Variants in STAP1 observed in about 807,000 individuals in gnomAD.
STAP1 encodes the protein signal-transducing adaptor protein 1.
STAP1 carries 30 observed loss-of-function variants against 37.8 expected under a neutral mutation model. That is an observed-to-expected ratio of 0.79 (90% CI 0.59 to 1.08). The LOEUF is 1.08. Ranked by LOEUF, STAP1 falls within the 50% of genes least tolerant of loss-of-function variation. The pLI, the probability that STAP1 is intolerant of heterozygous loss-of-function variation, is 0.00. For missense variants in STAP1, 357 were observed against 349.4 expected (o/e 1.02, Z -0.17); for synonymous variants, 130 against 116.0 (o/e 1.12, Z -0.78).
At chr4:67,583,445 T>A (rs994257379) in intron 5 of STAP1, 129 bp from the exon 6 acceptor site, 8 of 932,930 alleles carry the variant, frequency 8.6e-6, no homozygotes, top group Non-Finnish European at 1.3e-5. Flanking sequence ...ATAATTGGAA[T>A]AATCAAACCG....
rs1044971958 is a variant in STAP1, at chr4:67,606,669, A to G, written c.*312A>G. The G allele has an allele frequency of 1.5e-5, 3 of 201,358 alleles. No individual in the cohort carries two copies. The highest frequency in any genetic ancestry group is 5.9e-5 in the Admixed American group (1 of 16,866). The allele number at this position is 201,358 out of a possible 1,614,324, so 12.5% of individuals were successfully genotyped here. Reference sequence around the variant, plus strand: ...TTTTTTCTTTAGGCCTCAATGAAATACATTTCCCCTATATAATTCCAACAG... The same window carrying G: ...TTTTTTCTTTAGGCCTCAATGAAATGCATTTCCCCTATATAATTCCAACAG... On this transcript the variant is annotated 3_prime_UTR_variant, in exon 9 of 9. Transcript: ENST00000265404.
At chr4:67,566,566 G>T (rs997808797) in intron 1 of STAP1, among the ~76,000 whole-genome samples, 1 of 152,146 alleles carries the variant, frequency 6.6e-6, no homozygotes, top group Non-Finnish European at 1.5e-5. Flanking sequence ...AGCTGAGAGA[G>T]GACAGGAAGG....
intron 6 of STAP1, among the ~76,000 whole-genome samples, chr4:67,586,824 TA>T (rs942115822): frequency 3.5e-4 from 53 of 152,326 alleles, no homozygotes; most frequent in African/African-American, 1.2e-3. Flanking sequence ...CAACATTTTA[TA>T]AAACTAATCA....
At chr4:67,571,251 A>G (rs1418396387) in intron 2 of STAP1, 96 bp downstream of exon 2, 4 of 802,462 alleles carry the variant, frequency 5.0e-6, no homozygotes, top group African/African-American at 1.8e-5. Flanking sequence ...CCAAGAATAA[A>G]GATGCTCTGG....
intron 6 of STAP1, among the ~76,000 whole-genome samples, chr4:67,588,849 A>C (rs1728058708): frequency 6.6e-6 from 1 of 152,236 alleles, no homozygotes; most frequent in South Asian, 2.1e-4. Flanking sequence ...CATGTTTTAC[A>C]AATGAAGAGG....
At chr4:67,584,647 G>A (rs944920396) in intron 6 of STAP1, among the ~76,000 whole-genome samples, 1 of 152,118 alleles carries the variant, frequency 6.6e-6, no homozygotes, top group African/African-American at 2.4e-5. Flanking sequence ...CCAATATCTG[G>A]GGCAAAAGTG....
At chr4:67,564,021 C>T (rs1727410360) in intron 1 of STAP1, among the ~76,000 whole-genome samples, 1 of 149,274 alleles carries the variant, frequency 6.7e-6, no homozygotes. Flanking sequence ...AAGTATTTCT[C>T]TAGATATGAA....
chr4:67,566,912 A>G (rs1343509511), intron 1 of STAP1, among the ~76,000 whole-genome samples: 1 of 152,182 alleles, frequency 6.6e-6, no homozygotes, highest in Non-Finnish European at 1.5e-5. Flanking sequence ...AGCAGGTTGC[A>G]GTGAGCCAAG....
chr4:67,594,939 T>C (rs1360004101), intron 8 of STAP1, among the ~76,000 whole-genome samples: 1 of 152,176 alleles, frequency 6.6e-6, no homozygotes, highest in East Asian at 1.9e-4. Flanking sequence ...ACAAGCTTTT[T>C]GTGTGTGTGC....
At chr4:67,585,549 A>C (rs1047921127) in intron 6 of STAP1, among the ~76,000 whole-genome samples, 1 of 152,352 alleles carries the variant, frequency 6.6e-6, no homozygotes, top group East Asian at 1.9e-4. Context: ...GTGTGTGTGT[A>C]TATATCTCTG....
At chr4:67,573,280 T>G (rs1183700656) in intron 2 of STAP1, among the ~76,000 whole-genome samples, 1 of 152,210 alleles carries the variant, frequency 6.6e-6, no homozygotes, top group Non-Finnish European at 1.5e-5. Flanking sequence ...TCAGGAGGCA[T>G]GAGTTCCATG....
At chr4:67,575,054 T>C (rs1727688265) in intron 2 of STAP1, among the ~76,000 whole-genome samples, 1 of 152,316 alleles carries the variant, frequency 6.6e-6, no homozygotes, top group South Asian at 2.1e-4. Flanking sequence ...AAATAGAATG[T>C]AACAAATTTT....
At chr4:67,593,181 T>C in intron 7 of STAP1, 79 bp from the exon 8 acceptor site, 1 of 959,774 alleles carries the variant, frequency 1.0e-6, no homozygotes, top group Middle Eastern at 2.8e-4. Context: ...GTAATCTCCA[T>C]TAGATTCCAG....
At chr4:67,571,217 T>C (rs1345521369) in intron 2 of STAP1, 62 bp downstream of exon 2, 2 of 1,171,536 alleles carry the variant, frequency 1.7e-6, no homozygotes, top group Non-Finnish European at 2.5e-6. Context: ...CATAGCATAT[T>C]ATTCATTTTG....
At chr4:67,595,125 G>T (rs1280063013) in intron 8 of STAP1, among the ~76,000 whole-genome samples, 2 of 152,086 alleles carry the variant, frequency 1.3e-5, no homozygotes, top group African/African-American at 4.8e-5. Flanking sequence ...TTTTCTTTTA[G>T]AAGTGCTGTG....
chr4:67,574,165 T>C (rs1578024952), intron 2 of STAP1, among the ~76,000 whole-genome samples: 1 of 152,114 alleles, frequency 6.6e-6, no homozygotes, highest in South Asian at 2.1e-4. Context: ...CAATGTATAG[T>C]ACACAATTAG....
chr4:67,587,054 A>G (rs556190794), intron 6 of STAP1, among the ~76,000 whole-genome samples: 74 of 152,358 alleles, frequency 4.9e-4, no homozygotes, highest in Non-Finnish European at 8.5e-4. Context: ...TAATGCCTCA[A>G]AACAGGTGTT....
At chr4:67,584,589 T>C (rs1250327369) in intron 6 of STAP1, among the ~76,000 whole-genome samples, 2 of 152,190 alleles carry the variant, frequency 1.3e-5, no homozygotes, top group Non-Finnish European at 2.9e-5. Flanking sequence ...ACCTACTTTA[T>C]TGACTGATTT....
intron 1 of STAP1, among the ~76,000 whole-genome samples, chr4:67,569,434 A>G (rs1727548654): frequency 6.6e-6 from 1 of 152,080 alleles, no homozygotes; most frequent in African/African-American, 2.4e-5. Context: ...TTTCTTTTTC[A>G]TTAACAAATT....
Sources: allele counts gnomAD v4.1 joint callset (sites outside exome capture counted in the v4.1 genomes callset), GRCh38; gene constraint gnomAD v4.1.1; transcripts MANE v1.5; gene names NCBI Gene and HGNC (gene_info 2026-07-23, HGNC 2026-07-21).